Variants in ZIM2 observed in about 807,000 individuals in gnomAD.
ZIM2 encodes zinc finger imprinted 2.
Under a neutral mutation model 38.6 loss-of-function variants are expected in ZIM2, and 14 were observed. The observed-to-expected ratio is 0.36, with a 90% confidence interval of 0.24 to 0.57. The LOEUF (loss-of-function observed/expected upper bound fraction) is 0.57. Ranked by LOEUF, ZIM2 falls within the 20% of genes least tolerant of loss-of-function variation. ZIM2 has a pLI of 0.81. For synonymous variants in ZIM2, 247 were observed against 245.8 expected, an observed-to-expected ratio of 1.00 and a Z score of -0.04; for missense variants, 680 against 695.1, an observed-to-expected ratio of 0.98 and a Z score of 0.24.
intron 2 of ZIM2, among the ~76,000 whole-genome samples, chr19:56,827,407 GA>G (rs575936348): frequency 7.7e-4 from 116 of 151,152 alleles, no homozygotes; most frequent in Non-Finnish European, 1.5e-3. Flanking sequence ...TTTTTTAACA[GA>G]AAAACCTTAA....
intron 9 of ZIM2, chr19:56,813,328 T>A (rs2059670302): frequency 2.0e-6 from 2 of 1,004,206 alleles, no homozygotes; most frequent in African/African-American, 1.7e-5. Context: ...TATATACACC[T>A]CATGAAACAC....
At chr19:56,799,081 A>G (rs1322342551) in intron 9 of ZIM2, 1 of 152,200 alleles carries the variant, frequency 6.6e-6, no homozygotes, top group African/African-American at 2.4e-5. Flanking sequence ...AGGGGAAGAA[A>G]TATCATTTGA....
At chr19:56,783,206 T>C (rs771543227) in intron 10 of ZIM2, among the ~76,000 whole-genome samples, 2 of 152,198 alleles carry the variant, frequency 1.3e-5, no homozygotes, top group Non-Finnish European at 2.9e-5. Flanking sequence ...AAATATAGTA[T>C]AGCCATACAA....
intron 9 of ZIM2, chr19:56,813,257 T>TA: frequency 2.1e-6 from 2 of 968,938 alleles, no homozygotes; most frequent in Non-Finnish European, 2.5e-6. Context: ...GAGTAAACTG[T>TA]AACTGTATAT....
At chr19:56,811,286 A>G in intron 9 of ZIM2, 1 of 920,774 alleles carries the variant, frequency 1.1e-6, no homozygotes, top group Non-Finnish European at 1.3e-6. Context: ...GACTATAAGC[A>G]TATATATTTT....
chr19:56,834,038 CA>C (rs1302788737), intron 2 of ZIM2, among the ~76,000 whole-genome samples: 2 of 152,206 alleles, frequency 1.3e-5, no homozygotes, highest in African/African-American at 4.8e-5. Context: ...TCTAAGAGTT[CA>C]GTCTTATGAC....
chr19:56,782,813 G>A (rs979441281), intron 10 of ZIM2, among the ~76,000 whole-genome samples: 4 of 152,068 alleles, frequency 2.6e-5, no homozygotes, highest in African/African-American at 9.7e-5. Context: ...TAAGCACATC[G>A]TGGGGAATGG....
chr19:56,830,244 C>A (rs1411267877), intron 2 of ZIM2, among the ~76,000 whole-genome samples: 1 of 152,024 alleles, frequency 6.6e-6, no homozygotes, highest in Non-Finnish European at 1.5e-5. Context: ...TTTAATAAAC[C>A]CAAACTAACA....
chr19:56,822,456 A>C, intron 6 of ZIM2: 1 of 335,618 alleles, frequency 3.0e-6, no homozygotes, highest in Non-Finnish European at 5.4e-6. Context: ...ACTAGTTTTC[A>C]ATTTTTGCAG....
intron 3 of ZIM2, chr19:56,824,720 G>C (rs1279114284): frequency 1.7e-5 from 24 of 1,442,564 alleles, no homozygotes; most frequent in Non-Finnish European, 2.0e-5. Flanking sequence ...GCGGCAGCCT[G>C]TGACCGTCAG....
chr19:56,790,459 C>T (rs2046872340), intron 9 of ZIM2, among the ~76,000 whole-genome samples: 1 of 152,190 alleles, frequency 6.6e-6, no homozygotes, highest in Non-Finnish European at 1.5e-5. Flanking sequence ...CCTGCTCTGT[C>T]CCACCTGGGA....
chr19:56,816,137 A>G (rs2059957216), intron 9 of ZIM2: 1 of 1,613,732 alleles, frequency 6.2e-7, no homozygotes, highest in Non-Finnish European at 8.5e-7. Context: ...TTTGCCTCAT[A>G]GACATTTTCC....
chr19:56,795,581 C>T (rs538778878), intron 9 of ZIM2, among the ~76,000 whole-genome samples: 6 of 152,220 alleles, frequency 3.9e-5, no homozygotes, highest in Non-Finnish European at 8.8e-5. Context: ...GCTGAGGAAC[C>T]ACAGCCGCTC....
intron 12 of ZIM2, 59 bp from the exon 13 acceptor site, chr19:56,775,588 AATG>A: frequency 6.6e-7 from 1 of 1,526,708 alleles, no homozygotes; most frequent in Non-Finnish European, 8.8e-7. Flanking sequence ...GCCCCCCAAT[AATG>A]ATATTTCTAT....
chr19:56,789,237 T>TA (rs2046797791), intron 10 of ZIM2, among the ~76,000 whole-genome samples: 1 of 152,236 alleles, frequency 6.6e-6, no homozygotes, highest in South Asian at 2.1e-4. Context: ...TATTTATACT[T>TA]ATGCTAAAAA....
intron 2 of ZIM2, among the ~76,000 whole-genome samples, chr19:56,828,836 T>G (rs906885129): frequency 1.3e-5 from 2 of 152,296 alleles, no homozygotes. Flanking sequence ...AATAAACCTT[T>G]TTTGACCTGT....
intron 9 of ZIM2, chr19:56,812,828 A>AC (rs986831240): frequency 4.1e-6 from 4 of 985,258 alleles, no homozygotes; most frequent in Non-Finnish European, 4.8e-6. Flanking sequence ...TAAAAAAAAA[A>AC]AAAACCCAGA....
intron 6 of ZIM2, 32 bp from the exon 7 acceptor site, chr19:56,821,786 G>C: frequency 6.2e-7 from 1 of 1,611,604 alleles, no homozygotes; most frequent in Non-Finnish European, 8.5e-7. Flanking sequence ...ACAAGAAGCA[G>C]GGCCCAGTCC....
At chr19:56,786,551 T>C (rs2046615903) in intron 10 of ZIM2, among the ~76,000 whole-genome samples, 1 of 152,210 alleles carries the variant, frequency 6.6e-6, no homozygotes, top group Non-Finnish European at 1.5e-5. Flanking sequence ...TAACTACCTT[T>C]CCTTTTTTTA....
Sources: allele counts gnomAD v4.1 joint callset (sites outside exome capture counted in the v4.1 genomes callset), GRCh38; gene constraint gnomAD v4.1.1; transcripts MANE v1.5; gene names NCBI Gene and HGNC (gene_info 2026-07-23, HGNC 2026-07-21).